AMMECR1: variants seen among roughly 807,000 people sequenced by gnomAD.
AMMECR1 encodes nuclear protein AMMECR1.
A neutral mutation model predicts 22.5 loss-of-function variants in AMMECR1; 3 were observed. The observed-to-expected ratio is 0.13, with a 90% CI of 0.06 to 0.35. The LOEUF (loss-of-function observed/expected upper bound fraction) is 0.35, where lower values mean the gene tolerates loss of function less well. Ranked by LOEUF, AMMECR1 falls within the 10% of genes least tolerant of loss-of-function variation. The probability of loss-of-function intolerance (pLI) is 1.00; values close to 1 mark genes in which losing one functional copy is unlikely to be tolerated. For missense variants in AMMECR1, 235 were observed against 278.7 expected, an observed-to-expected ratio of 0.84 and a Z score of 1.12; for synonymous variants, 130 against 116.7, an observed-to-expected ratio of 1.11 and a Z score of -0.74.
chrX:110,422,021 G>A (rs910202816), intron 2 of AMMECR1, among the ~76,000 whole-genome samples: 2 of 113,225 alleles, frequency 1.8e-5, no homozygotes, highest in African/African-American at 6.4e-5. Flanking sequence ...TAAGTTCCCA[G>A]TTTTGATCTA....
chrX:110,346,613 A>C (rs778049216), intron 2 of AMMECR1: 1 of 515,021 alleles, frequency 1.9e-6, no homozygotes, highest in East Asian at 3.5e-5. Context: ...TTACAGGGAT[A>C]AGCTTTTGTA....
At chrX:110,316,357 G>T (rs1306755746) in intron 1 of AMMECR1, among the ~76,000 whole-genome samples, 1 of 111,508 alleles carries the variant, frequency 9.0e-6, no homozygotes, top group African/African-American at 3.3e-5. Flanking sequence ...ATCAATTCAG[G>T]TATTTATGAT....
At chrX:110,200,632 G>A (rs1418671483) in intron 5 of AMMECR1, among the ~76,000 whole-genome samples, 1 of 111,907 alleles carries the variant, frequency 8.9e-6, no homozygotes, top group Non-Finnish European at 1.9e-5. Flanking sequence ...CTGGGGTTCT[G>A]CTCAGTAATG....
chrX:110,298,665 A>G (rs922739432), intron 1 of AMMECR1, among the ~76,000 whole-genome samples: 1 of 111,685 alleles, frequency 9.0e-6, no homozygotes, highest in Non-Finnish European at 1.9e-5. Flanking sequence ...AAATACTGAT[A>G]GTCAATCACA....
At chrX:110,213,135 C>G (rs2067455977) in intron 3 of AMMECR1, among the ~76,000 whole-genome samples, 2 of 111,891 alleles carry the variant, frequency 1.8e-5, no homozygotes, top group South Asian at 7.4e-4. Flanking sequence ...GCCATTTTAA[C>G]AATTTTAAAG....
chrX:110,428,601 C>T lies in AMMECR1; in HGVS notation c.-293-1798G>A, dbSNP rs997124705. On this transcript the variant is annotated intron_variant, in intron 1 of 7. Coordinates refer to the AMMECR1 transcript ENST00000372057. ...CTTTCTCTGATGCCATCTGAACACT[C>T]CCCCCCTCTCCAAGATGTGGCTTTC... 2.6e-4 allele frequency among the ~76,000 whole-genome samples: 29 copies of T among 111,103 alleles called. 1 individual carries two copies. Among genetic ancestry groups the T allele is most frequent in the African/African-American group, 8.5e-4 (26 of 30,420 alleles).
At chrX:110,343,888 G>A in intron 2 of AMMECR1, among the ~76,000 whole-genome samples, 1 of 111,590 alleles carries the variant, frequency 9.0e-6, no homozygotes, top group Non-Finnish European at 1.9e-5. Context: ...TGGGTAGGAA[G>A]AATCAATATC....
intron 2 of AMMECR1, among the ~76,000 whole-genome samples, chrX:110,230,733 C>A (rs771227915): frequency 9.0e-6 from 1 of 111,624 alleles, no homozygotes; most frequent in African/African-American, 3.3e-5. Flanking sequence ...CAAACTTCTA[C>A]GAGCTGAAGG....
intron 3 of AMMECR1, among the ~76,000 whole-genome samples, chrX:110,215,213 G>GA (rs2148170097): frequency 8.9e-6 from 1 of 111,851 alleles, no homozygotes; most frequent in East Asian, 2.8e-4. Context: ...TAATGCTCCA[G>GA]AAAATCTTAG....
chrX:110,429,243 C>CTT (rs377376446), intron 1 of AMMECR1, among the ~76,000 whole-genome samples: 9 of 106,402 alleles, frequency 8.5e-5, no homozygotes, highest in African/African-American at 2.7e-4. Flanking sequence ...TTTTGTTCAT[C>CTT]TTTTTTTTTT....
chrX:110,425,452 G>A (rs1291627174), intron 2 of AMMECR1, among the ~76,000 whole-genome samples: 1 of 112,980 alleles, frequency 8.9e-6, no homozygotes, highest in Non-Finnish European at 1.9e-5. Context: ...AGGGCAGTGG[G>A]GCTCTGGGCT....
intron 2 of AMMECR1, among the ~76,000 whole-genome samples, chrX:110,260,674 G>C (rs1392946081): frequency 9.0e-6 from 1 of 111,269 alleles, no homozygotes. Context: ...CTAGATCATT[G>C]TCTTCTATAA....
In AMMECR1 at chrX:110,310,242, AC is replaced by A. The variant is rs548677831; in HGVS notation, c.473+7356del. Among the ~76,000 whole-genome samples the A allele has an allele frequency of 1.2e-4, 13 of 111,740 alleles. No homozygotes were observed. In the South Asian group the frequency reaches 4.9e-3, roughly 42 times the overall value. On this transcript the variant is annotated intron_variant, in intron 1 of 5. Transcript: ENST00000262844. ...TAAGAAATCTGATTTCACCTGCCCA[AC>A]CATTTGTTTCTTCCCATATTCCCCC... is the stretch of plus-strand genomic sequence containing the variant.
intron 1 of AMMECR1, among the ~76,000 whole-genome samples, chrX:110,428,915 G>A (rs114747071): frequency 1.1e-3 from 119 of 112,340 alleles, no homozygotes; most frequent in African/African-American, 3.7e-3. Context: ...TTCAGGGTCC[G>A]ATGCGACGGC....
At chrX:110,231,585 T>A (rs1312873425) in intron 2 of AMMECR1, among the ~76,000 whole-genome samples, 1 of 111,986 alleles carries the variant, frequency 8.9e-6, no homozygotes, top group African/African-American at 3.3e-5. Flanking sequence ...AGACCATCGA[T>A]GCTAAGAAGA....
intron 1 of AMMECR1, among the ~76,000 whole-genome samples, chrX:110,295,927 C>T (rs1208730567): frequency 8.9e-6 from 1 of 111,845 alleles, no homozygotes; most frequent in Admixed American, 9.5e-5. Flanking sequence ...TATGCAGCTG[C>T]TGTCTTTCAA....
intron 1 of AMMECR1, among the ~76,000 whole-genome samples, chrX:110,300,844 A>C (rs1347546424): frequency 8.9e-6 from 1 of 111,800 alleles, no homozygotes; most frequent in Non-Finnish European, 1.9e-5. Flanking sequence ...ATATGTTTAG[A>C]TAAATGCTTC....
intron 2 of AMMECR1, among the ~76,000 whole-genome samples, chrX:110,412,351 A>C (rs2068646872): frequency 8.9e-6 from 1 of 112,420 alleles, no homozygotes; most frequent in Non-Finnish European, 1.9e-5. Context: ...AAATTGAAAA[A>C]ACTAAATGAC....
Position 110,222,103 on chromosome X carries a change from C to T in AMMECR1, c.585-5471G>A, listed in dbSNP as rs747070647. ...CAGCCATCCCATTACTGGGTATATA[C>T]CCAAAGGACTATAAATCATGCTGCT... On this transcript the variant is annotated intron_variant, in intron 2 of 5. Coordinates refer to ENST00000262844, the MANE Select transcript of AMMECR1 (RefSeq NM_015365.3). Among the ~76,000 whole-genome samples the T allele has an allele frequency of 2.7e-4, 29 of 105,971 alleles. 1 individual carries two copies. The East Asian group carries it at 8.0e-3, about 29-fold the overall frequency. The allele number at this position is 105,971 out of a possible 115,157, so 92.0% of individuals were successfully genotyped here. A position where few individuals can be genotyped will look rare whatever the true frequency, so the allele number is the denominator to read the frequency against.
Sources: allele counts gnomAD v4.1 joint callset (sites outside exome capture counted in the v4.1 genomes callset), GRCh38; gene constraint gnomAD v4.1.1; transcripts MANE v1.5; gene names NCBI Gene and HGNC (gene_info 2026-07-23, HGNC 2026-07-21).